MEF2D: variants seen among roughly 807,000 people sequenced by gnomAD.
The protein encoded by MEF2D is myocyte-specific enhancer factor 2D.
A neutral mutation model predicts 59.3 loss-of-function variants in MEF2D; 10 were observed. The ratio of observed to expected loss-of-function variants is 0.17; its 90% CI spans 0.10 to 0.29. The LOEUF is 0.29. Among genes scored for constraint, MEF2D ranks in the 10% least tolerant of loss-of-function variants. The pLI is 1.00. For missense variants in MEF2D, 508 were observed against 699.4 expected, an observed-to-expected ratio of 0.73 and a Z score of 3.09; for synonymous variants, 305 against 295.0, an observed-to-expected ratio of 1.03 and a Z score of -0.35.
intron 1 of MEF2D, among the ~76,000 whole-genome samples, chr1:156,496,405 G>A (rs763354101): frequency 2.6e-5 from 4 of 152,168 alleles, no homozygotes; most frequent in Non-Finnish European, 5.9e-5. Flanking sequence ...TCAGTGTGAG[G>A]GGCAGAGGCA....
intron 1 of MEF2D, among the ~76,000 whole-genome samples, chr1:156,484,473 G>A (rs1254912840): frequency 6.6e-5 from 10 of 152,176 alleles, no homozygotes; most frequent in African/African-American, 2.2e-4. Flanking sequence ...TTTGGTCCAC[G>A]GGCCATAGTT....
At chr1:156,480,779 TG>T (rs748836623) in intron 4 of MEF2D, 54 bp downstream of exon 4, 5 of 1,582,604 alleles carry the variant, frequency 3.2e-6, no homozygotes, top group South Asian at 2.2e-5. Flanking sequence ...GTGCAGCGCC[TG>T]GGGGGAAGGG....
At chr1:156,492,948 T>C (rs1257590032) in intron 1 of MEF2D, among the ~76,000 whole-genome samples, 1 of 152,110 alleles carries the variant, frequency 6.6e-6, no homozygotes, top group Admixed American at 6.5e-5. Context: ...CATGGGGTAA[T>C]GAGGAGTGTG....
chr1:156,476,722 T>TA (rs1332936340), intron 7 of MEF2D, among the ~76,000 whole-genome samples: 1 of 152,198 alleles, frequency 6.6e-6, no homozygotes, highest in Non-Finnish European at 1.5e-5. Context: ...GCTCACCATC[T>TA]AATCCCCATC....
At chr1:156,472,713 T>TG (rs1671311621) in intron 9 of MEF2D, among the ~76,000 whole-genome samples, 1 of 149,240 alleles carries the variant, frequency 6.7e-6, no homozygotes, top group Non-Finnish European at 1.5e-5. Flanking sequence ...CACGCCCGGC[T>TG]AATTTTTTTT....
intron 8 of MEF2D, among the ~76,000 whole-genome samples, chr1:156,476,231 G>A (rs951868278): frequency 2.0e-5 from 3 of 152,150 alleles, no homozygotes; most frequent in East Asian, 3.9e-4. Context: ...ACAGAGAAAG[G>A]TGTGTCTGAA....
At chr1:156,495,241 G>A (rs191813181) in intron 1 of MEF2D, among the ~76,000 whole-genome samples, 2 of 152,098 alleles carry the variant, frequency 1.3e-5, no homozygotes, top group Admixed American at 1.3e-4. Context: ...TCAGGTCTCC[G>A]TGGGCCTCCT....
intron 1 of MEF2D, among the ~76,000 whole-genome samples, chr1:156,497,066 C>A (rs368718886): frequency 7.2e-5 from 11 of 152,236 alleles, no homozygotes; most frequent in Non-Finnish European, 1.0e-4. Context: ...CTCTCTCCCC[C>A]CCAGCTTCCC....
rs1170657734 is a variant in MEF2D at position 156,466,503 on chromosome 1, CAAG to C, written c.*1139_*1141del. On this transcript the variant is annotated 3_prime_UTR_variant, in exon 12 of 12. Coordinates refer to ENST00000348159, the MANE Select transcript of MEF2D (RefSeq NM_005920.4). ...AACAGGAGAAGCTAGGGAGAGGGGC[CAAG>C]GAGGAATGAGGGAGGTGGGACCTCT... is the stretch of plus-strand genomic sequence containing the variant. 1.3e-5 allele frequency: 2 copies of C among 152,800 alleles called. No homozygotes were observed. Among genetic ancestry groups the C allele is most frequent in the African/African-American group, 4.8e-5 (2 of 41,346 alleles). The allele number at this position is 152,800 out of a possible 1,614,324, so 9.5% of individuals were successfully genotyped here. A position where few individuals can be genotyped will look rare whatever the true frequency, so the allele number is the denominator to read the frequency against.
intron 7 of MEF2D, 81 bp downstream of exon 7, chr1:156,476,931 C>G: frequency 6.6e-7 from 1 of 1,520,942 alleles, no homozygotes; most frequent in Non-Finnish European, 9.1e-7. Flanking sequence ...GCCTTCATCT[C>G]TCCTGCTAGA....
intron 9 of MEF2D, among the ~76,000 whole-genome samples, chr1:156,471,067 CTTTTT>C (rs1557877396): frequency 6.6e-6 from 1 of 151,994 alleles, no homozygotes; most frequent in African/African-American, 2.4e-5. Flanking sequence ...CTTTTCTTTT[CTTTTT>C]TGAGACAGAG....
At chr1:156,469,497 A>T (rs1671084542) in intron 9 of MEF2D, among the ~76,000 whole-genome samples, 1 of 151,778 alleles carries the variant, frequency 6.6e-6, no homozygotes, top group Non-Finnish European at 1.5e-5. Flanking sequence ...ACCTCAAGTG[A>T]TTCGCCCACC....
At chr1:156,475,342 G>A in intron 8 of MEF2D, 105 bp from the exon 9 acceptor site, 1 of 1,409,236 alleles carries the variant, frequency 7.1e-7, no homozygotes, top group Non-Finnish European at 9.4e-7. Flanking sequence ...CAAAGCCAAG[G>A]CGGGGTGCCT....
Position 156,470,250 on chromosome 1 carries a change from T to C in MEF2D, c.1007-1230A>G, listed in dbSNP as rs1671148527. ...GCCTGGCCAACATGGTGAAACCCCA[T>C]CTCTATTAAAAATACAAAAAATTAG... On this transcript the variant is annotated intron_variant, in intron 9 of 11. Transcript: ENST00000348159. 2.0e-5 allele frequency among the ~76,000 whole-genome samples: 3 copies of C among 152,100 alleles called. No individual in the cohort carries two copies. In the South Asian group the frequency reaches 6.2e-4, roughly 32 times the overall value.
intron 4 of MEF2D, 86 bp from the exon 5 acceptor site, chr1:156,479,882 C>T (rs1557885244): frequency 1.5e-6 from 2 of 1,332,466 alleles, no homozygotes; most frequent in Non-Finnish European, 1.0e-6. Context: ...GGCAAGGGTT[C>T]TTCTCATTTC....
rs536342587 is a variant in MEF2D at position 156,464,451 on chromosome 1, G to A, written c.*3194C>T. On this transcript the variant is annotated 3_prime_UTR_variant, in exon 12 of 12. Transcript: ENST00000348159. ...ATGGTGTGTTCCACTGAGGTGGTGG[G>A]GGGGGGTGTCCTCTTGCCCACTGTC... 5 of 148,198 alleles carry A rather than the reference G, an allele frequency of 3.4e-5. No homozygotes were observed. The highest frequency in any genetic ancestry group is 2.0e-4 in the East Asian group (1 of 4,948). The allele number at this position is 148,198 out of a possible 1,614,324, so 9.2% of individuals were successfully genotyped here.
rs118097576 is a variant in MEF2D at position 156,496,961 on chromosome 1, A to G, written c.-139+3525T>C. On this transcript the variant is annotated intron_variant, in intron 1 of 11. Transcript: ENST00000348159. ...CCGAGATCCAAATAGCACCGACCCC[A>G]CCAAGCCAAAGGTCAAGGCCTTTCC... Among the ~76,000 whole-genome samples the G allele has an allele frequency of 1.4e-4, 21 of 152,334 alleles. No homozygotes were observed. The East Asian group carries it at 4.0e-3, about 29-fold the overall frequency.
At chr1:156,488,241 C>T (rs1256920259) in intron 1 of MEF2D, among the ~76,000 whole-genome samples, 1 of 152,206 alleles carries the variant, frequency 6.6e-6, no homozygotes, top group African/African-American at 2.4e-5. Flanking sequence ...ATGGGCAGGA[C>T]ATTTGGCAAT....
At chr1:156,498,569 G>A (rs923291310) in intron 1 of MEF2D, among the ~76,000 whole-genome samples, 1 of 151,950 alleles carries the variant, frequency 6.6e-6, no homozygotes, top group Non-Finnish European at 1.5e-5. Context: ...CCCTACAGGG[G>A]TGAGTAAAAG....
Sources: gnomAD v4.1 joint callset for allele counts (sites outside exome capture counted in the v4.1 genomes callset) on GRCh38, gnomAD v4.1.1 for gene constraint, MANE v1.5 for transcripts, NCBI Gene and HGNC (gene_info 2026-07-23, HGNC 2026-07-21) for gene names.